The following CMTM8 variants were observed in gnomAD, a reference collection of about 807,000 sequenced individuals.
The protein encoded by CMTM8 is CKLF like MARVEL transmembrane domain containing 8.
In CMTM8, 12 loss-of-function variants were observed where a neutral mutation model predicts 18.6. The observed-to-expected ratio is 0.65, with a 90% CI of 0.41 to 1.05. The LOEUF is 1.05. Among genes scored for constraint, CMTM8 ranks in the 50% least tolerant of loss-of-function variants. The pLI, the probability that CMTM8 is intolerant of heterozygous loss-of-function variation, is 0.00. For synonymous variants in CMTM8, 87 were observed against 90.6 expected, an observed-to-expected ratio of 0.96 and a Z score of 0.23; for missense variants, 217 against 227.2, an observed-to-expected ratio of 0.95 and a Z score of 0.29.
At chr3:32,352,655 G>A (rs958030612) in intron 1 of CMTM8, among the ~76,000 whole-genome samples, 2 of 152,198 alleles carry the variant, frequency 1.3e-5, no homozygotes, top group African/African-American at 4.8e-5. Context: ...ACTAATCTAG[G>A]ATGATAGAGA....
intron 1 of CMTM8, among the ~76,000 whole-genome samples, chr3:32,347,225 A>G (rs550393518): frequency 4.2e-4 from 62 of 146,472 alleles, no homozygotes; most frequent in African/African-American, 1.6e-3. Flanking sequence ...ATTTCTTTTG[A>G]TTTTTACTAA....
intron 1 of CMTM8, among the ~76,000 whole-genome samples, chr3:32,261,667 C>T (rs1467782472): frequency 6.6e-6 from 1 of 152,160 alleles, no homozygotes; most frequent in African/African-American, 2.4e-5. Context: ...GATAATAAAC[C>T]AGTCCCAGGT....
chr3:32,351,104 A>G (rs1007370320), intron 1 of CMTM8, among the ~76,000 whole-genome samples: 8 of 152,342 alleles, frequency 5.3e-5, no homozygotes, highest in Admixed American at 3.9e-4. Flanking sequence ...CATGAAATAC[A>G]TGTTGAAGCT....
At chr3:32,303,776 A>G (rs770669311) in intron 1 of CMTM8, among the ~76,000 whole-genome samples, 69 of 152,210 alleles carry the variant, frequency 4.5e-4, no homozygotes, top group Non-Finnish European at 8.2e-4. Context: ...AATGTGTGTG[A>G]TCTTATTTTT....
intron 1 of CMTM8, among the ~76,000 whole-genome samples, chr3:32,333,736 C>T (rs1051251691): frequency 1.3e-5 from 2 of 151,242 alleles, no homozygotes; most frequent in African/African-American, 4.9e-5. Flanking sequence ...ATAGGCAGAG[C>T]ACGGATGGTT....
intron 1 of CMTM8, among the ~76,000 whole-genome samples, chr3:32,319,658 G>C (rs1328582767): frequency 6.6e-6 from 1 of 152,114 alleles, no homozygotes; most frequent in Non-Finnish European, 1.5e-5. Flanking sequence ...CTTTCATCCT[G>C]TGAACATGTA....
intron 1 of CMTM8, among the ~76,000 whole-genome samples, chr3:32,313,859 G>A (rs781633544): frequency 1.3e-5 from 2 of 152,170 alleles, no homozygotes; most frequent in Admixed American, 6.5e-5. Flanking sequence ...GATTAGGCTC[G>A]TGGACACATA....
intron 1 of CMTM8, among the ~76,000 whole-genome samples, chr3:32,273,383 G>T (rs139130803): frequency 1.3e-5 from 2 of 152,154 alleles, no homozygotes; most frequent in African/African-American, 4.8e-5. Context: ...CTTTCTCAAG[G>T]TCATAAATGT....
intron 1 of CMTM8, among the ~76,000 whole-genome samples, chr3:32,324,399 A>C (rs1696117564): frequency 6.6e-6 from 1 of 152,230 alleles, no homozygotes; most frequent in Non-Finnish European, 1.5e-5. Flanking sequence ...AAGAGAATGC[A>C]GACTTGTTAT....
At chr3:32,288,713 G>A (rs1279022853) in intron 1 of CMTM8, among the ~76,000 whole-genome samples, 2 of 152,122 alleles carry the variant, frequency 1.3e-5, no homozygotes, top group African/African-American at 4.8e-5. Flanking sequence ...TGTTAGCCAG[G>A]ATGTTCTCGA....
intron 1 of CMTM8, among the ~76,000 whole-genome samples, chr3:32,337,226 G>T (rs1440821069): frequency 1.3e-5 from 2 of 152,164 alleles, no homozygotes; most frequent in African/African-American, 4.8e-5. Flanking sequence ...ATAAAGTTTG[G>T]GGGACACATT....
chr3:32,304,596 C>T (rs1695687039), intron 1 of CMTM8, among the ~76,000 whole-genome samples: 1 of 152,218 alleles, frequency 6.6e-6, no homozygotes, highest in South Asian at 2.1e-4. Flanking sequence ...AGAGAAACCT[C>T]CAAGGCAAAT....
intron 1 of CMTM8, among the ~76,000 whole-genome samples, chr3:32,347,492 G>A (rs970124606): frequency 2.6e-5 from 4 of 151,776 alleles, no homozygotes; most frequent in African/African-American, 9.7e-5. Context: ...CAGCCGGGCA[G>A]GGCTTGGAGG....
chr3:32,242,158 G>C (rs1408089212), intron 1 of CMTM8, among the ~76,000 whole-genome samples: 2 of 152,142 alleles, frequency 1.3e-5, no homozygotes, highest in African/African-American at 4.8e-5. Context: ...ACAGCCTCTT[G>C]TAGTTTTCTA....
chr3:32,308,623 A>G (rs965587569), intron 1 of CMTM8, among the ~76,000 whole-genome samples: 1 of 152,166 alleles, frequency 6.6e-6, no homozygotes, highest in African/African-American at 2.4e-5. Context: ...GGGACTAATT[A>G]TGGTACCTAC....
chr3:32,329,932 A>G lies in CMTM8; in HGVS notation c.148-27441A>G, dbSNP rs549621035. Among the ~76,000 whole-genome samples the G allele has an allele frequency of 2.0e-5, 3 of 152,342 alleles. No homozygotes were observed. In the East Asian group the frequency reaches 5.8e-4, roughly 29 times the overall value. On this transcript the variant is annotated intron_variant, in intron 1 of 3. Transcript: ENST00000307526. ...TACAAATTCAACACACAAAAAAATC[A>G]GTTGGCATTTCTCTGCACTAACAAT...
Position 32,355,336 on chromosome 3 carries a change from A to G in CMTM8, c.148-2037A>G, listed in dbSNP as rs557476283. On this transcript the variant is annotated intron_variant, in intron 1 of 3. Coordinates refer to ENST00000307526, the MANE Select transcript of CMTM8 (RefSeq NM_178868.5). ...AGCCTGTTCCTCTTCCATTGTTCCA[A>G]CAGAACAAGTCCAACCCTGATCTAC... Among the ~76,000 whole-genome samples, 9 of 152,300 alleles carry G rather than the reference A, an allele frequency of 5.9e-5. No homozygotes were observed. The East Asian group carries it at 1.7e-3, about 29-fold the overall frequency.
At chr3:32,361,938 T>C (rs1696939255) in intron 2 of CMTM8, among the ~76,000 whole-genome samples, 1 of 152,212 alleles carries the variant, frequency 6.6e-6, no homozygotes, top group Non-Finnish European at 1.5e-5. Context: ...TCCTGAGGAT[T>C]CGTCCTCTGT....
chr3:32,320,866 AC>A lies in CMTM8; in HGVS notation c.148-36506del, dbSNP rs539494238. On this transcript the variant is annotated intron_variant, in intron 1 of 3. Transcript: ENST00000307526. ...AAAAATCACCCATGAAACGGTGGTG[AC>A]TTTGTTTGCCCCTATGATCTTATTT... 1.5e-4 allele frequency among the ~76,000 whole-genome samples: 23 copies of A among 152,194 alleles called. No individual in the cohort carries two copies. In the South Asian group the frequency reaches 3.1e-3, roughly 21 times the overall value.
Sources: gnomAD v4.1 joint callset for allele counts (sites outside exome capture counted in the v4.1 genomes callset) on GRCh38, gnomAD v4.1.1 for gene constraint, MANE v1.5 for transcripts, NCBI Gene and HGNC (gene_info 2026-07-23, HGNC 2026-07-21) for gene names.